UQCRC1: variants seen among roughly 807,000 people sequenced by gnomAD.
UQCRC1 encodes the protein cytochrome b-c1 complex subunit 1, mitochondrial.
A neutral mutation model predicts 58.0 loss-of-function variants in UQCRC1; 34 were observed. The observed-to-expected ratio is 0.59, with a 90% CI of 0.45 to 0.78. The LOEUF (loss-of-function observed/expected upper bound fraction) is 0.78, where lower values mean the gene tolerates loss of function less well. Among genes scored for constraint, UQCRC1 ranks in the 30% least tolerant of loss-of-function variants. The pLI is 0.00. For synonymous variants in UQCRC1, 276 were observed against 248.8 expected, an observed-to-expected ratio of 1.11 and a Z score of -1.03; for missense variants, 610 against 646.0, an observed-to-expected ratio of 0.94 and a Z score of 0.60.
intron 2 of UQCRC1, among the ~76,000 whole-genome samples, chr3:48,607,708 G>T (rs544523769): frequency 6.6e-6 from 1 of 152,188 alleles, no homozygotes. Flanking sequence ...ACTGGTGTAA[G>T]CCACTGTGCC....
intron 5 of UQCRC1, chr3:48,603,884 G>A (rs1341218807): frequency 3.4e-6 from 2 of 587,460 alleles, no homozygotes; most frequent in Admixed American, 6.0e-5. Context: ...AGTCTTCTCT[G>A]AGAAGGCGTG....
At chr3:48,609,115 G>A (rs756788271) in intron 2 of UQCRC1, 47 bp downstream of exon 2, 3 of 1,567,508 alleles carry the variant, frequency 1.9e-6, no homozygotes, top group South Asian at 1.1e-5. Flanking sequence ...GGAAAAGACG[G>A]CAGGCCCAAC....
In UQCRC1 at chr3:48,603,586, T is replaced by C. The variant is rs1445428540; in HGVS notation, c.684A>G (p.Arg228=). ...CACCTCCAGCTGCTGCCAGCACCAT[T>C]CGAGGGGCCTTGTAATGTGTGCTGA... ...EYLSTHYKAP[R]MVLAAAGGVE... The change falls in exon 6 of 13, where the codon CGA becomes CGG. Residue 228 remains arginine, a synonymous_variant. Coordinates refer to ENST00000203407, the MANE Select transcript of UQCRC1 (RefSeq NM_003365.3). 1.2e-5 allele frequency: 19 copies of C among 1,613,908 alleles called. No homozygotes were observed. The highest frequency in any genetic ancestry group is 1.6e-5 in the Non-Finnish European group (19 of 1,179,972).
Position 48,600,724 on chromosome 3 carries a change from G to C in UQCRC1, c.1083C>G (p.Asp361Glu). 6.2e-7 allele frequency: 1 copy of C among 1,614,152 alleles called. No homozygotes were observed. Among genetic ancestry groups the C allele is most frequent in the Admixed American group, 1.7e-5 (1 of 60,034 alleles). The change falls in exon 9 of 13, where the codon GAC becomes GAG. Residue 361 changes from aspartate (D) to glutamate (E), a missense_variant. Physicochemically the swap from Asp to Glu is conservative, Grantham distance 45 (BLOSUM62 2). Coordinates refer to ENST00000203407, the MANE Select transcript of UQCRC1 (RefSeq NM_003365.3). Reference sequence around the variant, plus strand: ...ACATCATGTCATCGATTTTCATTCGGTCACAGACAAAGTGTGCACCCAGCA... The same window carrying C: ...ACATCATGTCATCGATTTTCATTCGCTCACAGACAAAGTGTGCACCCAGCA... ...TGLLGAHFVCDRMKIDDMMFV... is the reference protein window; with the variant it reads ...TGLLGAHFVCERMKIDDMMFV...
chr3:48,608,993 A>G (rs993068412), intron 2 of UQCRC1, among the ~76,000 whole-genome samples, 169 bp downstream of exon 2: 5 of 152,168 alleles, frequency 3.3e-5, no homozygotes, highest in African/African-American at 7.2e-5. Context: ...TGTCCCGTGA[A>G]GCCAAGGCGT....
chr3:48,605,673 C>A, intron 3 of UQCRC1, 97 bp downstream of exon 3: 3 of 1,237,796 alleles, frequency 2.4e-6, no homozygotes, highest in Non-Finnish European at 3.4e-6. Flanking sequence ...AGCCCCGCAA[C>A]TGAGGCCCAT....
chr3:48,599,213 G>C (rs199913897), intron 12 of UQCRC1, 21 bp from the exon 13 acceptor site: 1 of 1,582,686 alleles, frequency 6.3e-7, no homozygotes, highest in Admixed American at 1.7e-5. Flanking sequence ...AGGGTGGAGC[G>C]TCAGGGTGGG....
intron 5 of UQCRC1, among the ~76,000 whole-genome samples, 194 bp from the exon 6 acceptor site, chr3:48,603,837 T>G (rs2046387883): frequency 6.6e-6 from 1 of 151,546 alleles, no homozygotes; most frequent in African/African-American, 2.4e-5. Context: ...AACCCTTGTC[T>G]GCCCTTGCCT....
rs1340001855 is a variant in UQCRC1 at position 48,600,145 on chromosome 3, G to A, written c.1220C>T (p.Thr407Ile). The A allele has an allele frequency of 6.2e-7, 1 of 1,614,080 alleles. No homozygotes were observed. Among genetic ancestry groups the A allele is most frequent in the Non-Finnish European group, 8.5e-7 (1 of 1,179,998 alleles). ...NALVSHLDGTTPVCEDIGRSL... is the reference protein window; with the variant it reads ...NALVSHLDGTIPVCEDIGRSL... ...GCGTCCGATGTCCTCACACACAGGA[G>A]TAGTGCCTTTAAGGGTGAGAGAAGG... Residue 407 changes from threonine (T) to isoleucine (I), a missense_variant, in exon 11 of 13, where the codon ACT becomes ATT. Transcript: ENST00000203407.
chr3:48,603,736 G>GAAACCATGCCTCTCCT, intron 5 of UQCRC1, 93 bp from the exon 6 acceptor site: 1 of 1,189,288 alleles, frequency 8.4e-7, no homozygotes, highest in Non-Finnish European at 1.2e-6. Context: ...CAGACTAGGA[G>GAAACCATGCCTCTCCT]AGGCATGGTT....
intron 9 of UQCRC1, 51 bp downstream of exon 9, chr3:48,600,629 T>C (rs1170305705): frequency 6.2e-7 from 1 of 1,614,066 alleles, no homozygotes; most frequent in South Asian, 1.1e-5. Flanking sequence ...AGCCTCCCAC[T>C]GTGCTGGTTA....
chr3:48,600,270 C>A, intron 10 of UQCRC1, 119 bp from the exon 11 acceptor site: 1 of 1,196,722 alleles, frequency 8.4e-7, no homozygotes, highest in Non-Finnish European at 1.2e-6. Context: ...TGACTCAGAT[C>A]ACAGCCCTCT....
At position 48,609,181 on chromosome 3, in the gene UQCRC1, G is replaced by A. The variant is rs1257075945; in HGVS notation, c.191C>T (p.Ser64Phe). ...ACTCACCGTGCAAGTGGGCTGAGAGGACTGCTCGGAGGCCACACGCAGGCC... is the reference window on the plus strand; with the variant it reads ...ACTCACCGTGCAAGTGGGCTGAGAGAACTGCTCGGAGGCCACACGCAGGCC... ...DNGLRVASEQ[S>F]SQPTCTVGVW... The change falls in exon 2 of 13, where the codon TCC becomes TTC. Residue 64 changes from serine to phenylalanine, a missense_variant. Transcript: ENST00000203407. 2 of 1,611,766 alleles carry A rather than the reference G, an allele frequency of 1.2e-6. No homozygotes were observed. Among genetic ancestry groups the A allele is most frequent in the Non-Finnish European group, 1.7e-6 (2 of 1,178,732 alleles).
intron 5 of UQCRC1, 50 bp from the exon 6 acceptor site, chr3:48,603,693 G>GT (rs761436568): frequency 5.8e-6 from 9 of 1,560,730 alleles, no homozygotes; most frequent in Non-Finnish European, 7.9e-6. Flanking sequence ...ACTGGAGTGA[G>GT]TTGGGGTACA....
chr3:48,602,053 C>CCT (rs1553620386), intron 6 of UQCRC1, among the ~76,000 whole-genome samples: 3 of 140,700 alleles, frequency 2.1e-5, no homozygotes, highest in Non-Finnish European at 3.1e-5. Flanking sequence ...TTGCATTGGC[C>CCT]TTTTTTTTTT....
intron 5 of UQCRC1, 140 bp from the exon 6 acceptor site, chr3:48,603,783 C>T (rs1559456767): frequency 7.5e-6 from 6 of 803,610 alleles, no homozygotes; most frequent in Admixed American, 6.4e-5. Flanking sequence ...TCCCCAACCC[C>T]CTTCCCCTGT....
chr3:48,599,940 C>T, intron 11 of UQCRC1, 123 bp downstream of exon 11: 2 of 1,268,570 alleles, frequency 1.6e-6, no homozygotes, highest in Admixed American at 2.0e-5. Context: ...CTGCAGGTGA[C>T]AGCTGCCTAG....
At chr3:48,599,947 C>A in intron 11 of UQCRC1, 116 bp downstream of exon 11, 1 of 1,327,036 alleles carries the variant, frequency 7.5e-7, no homozygotes, top group South Asian at 1.3e-5. Flanking sequence ...TGACAGCTGC[C>A]TAGGACACCA....
At chr3:48,607,103 G>A (rs555198409) in intron 2 of UQCRC1, among the ~76,000 whole-genome samples, 8 of 150,332 alleles carry the variant, frequency 5.3e-5, no homozygotes, top group South Asian at 4.2e-4. Flanking sequence ...GTGCAGTGGT[G>A]CGATCTTGGC....
Sources: allele counts gnomAD v4.1 joint callset (sites outside exome capture counted in the v4.1 genomes callset), GRCh38; gene constraint gnomAD v4.1.1; transcripts MANE v1.5; gene names NCBI Gene and HGNC (gene_info 2026-07-23, HGNC 2026-07-21).